LAMA2: variants seen among roughly 807,000 people sequenced by gnomAD.
LAMA2 encodes the protein laminin subunit alpha 2, also known as laminin subunit alpha-2.
In LAMA2, 269 loss-of-function variants were observed where a neutral mutation model predicts 364.8. That is an observed-to-expected ratio of 0.74 (90% CI 0.67 to 0.82). LAMA2 has a LOEUF of 0.82. LAMA2 is among the 40% of genes least tolerant of loss of function. The probability of loss-of-function intolerance (pLI) is 0.00; values close to 1 mark genes in which losing one functional copy is unlikely to be tolerated. For missense variants in LAMA2, 3,807 were observed against 3,873.2 expected, an observed-to-expected ratio of 0.98 and a Z score of 0.45; for synonymous variants, 1,379 against 1,370.6, an observed-to-expected ratio of 1.01 and a Z score of -0.14.
intron 3 of LAMA2, among the ~76,000 whole-genome samples, chr6:129,095,081 A>T (rs765590408): frequency 2.8e-4 from 43 of 152,232 alleles, no homozygotes; most frequent in South Asian, 2.1e-4. Flanking sequence ...TTTCAGAAGA[A>T]TTATAATAAG....
intron 56 of LAMA2, among the ~76,000 whole-genome samples, chr6:129,491,497 G>T (rs1368944396): frequency 2.6e-5 from 4 of 152,180 alleles, no homozygotes. Context: ...AGCATGGTTT[G>T]TTCCCTAGCA....
chr6:129,200,245 T>C (rs1782142736), intron 12 of LAMA2, among the ~76,000 whole-genome samples: 1 of 123,556 alleles, frequency 8.1e-6, no homozygotes, highest in Non-Finnish European at 1.7e-5. Flanking sequence ...TATACATGTG[T>C]ATATATATAC....
intron 43 of LAMA2, chr6:129,442,328 GA>G: frequency 3.0e-6 from 2 of 673,090 alleles, no homozygotes; most frequent in Non-Finnish European, 2.0e-6. Flanking sequence ...GAGCCAGGGT[GA>G]AAAAGGGGAG....
intron 1 of LAMA2, among the ~76,000 whole-genome samples, chr6:128,991,672 A>G (rs902829438): frequency 6.6e-6 from 1 of 152,228 alleles, no homozygotes; most frequent in Non-Finnish European, 1.5e-5. Flanking sequence ...GGTGAAACTT[A>G]TGATTGACTA....
intron 1 of LAMA2, among the ~76,000 whole-genome samples, chr6:129,042,768 C>T (rs1345466277): frequency 6.6e-6 from 1 of 152,090 alleles, no homozygotes; most frequent in Non-Finnish European, 1.5e-5. Context: ...AATAGAGTAT[C>T]CACTCTTTGG....
chr6:128,948,755 A>G (rs896149322), intron 1 of LAMA2, among the ~76,000 whole-genome samples: 1 of 152,034 alleles, frequency 6.6e-6, no homozygotes, highest in African/African-American at 2.4e-5. Flanking sequence ...GGTTGTTTAA[A>G]AGAAATTGGG....
intron 9 of LAMA2, 89 bp from the exon 10 acceptor site, chr6:129,177,617 G>C: frequency 7.7e-7 from 1 of 1,306,194 alleles, no homozygotes; most frequent in South Asian, 1.2e-5. Context: ...TGTCAAAATA[G>C]CATTTTAAAG....
intron 1 of LAMA2, among the ~76,000 whole-genome samples, chr6:129,030,199 A>C (rs903990924): frequency 6.6e-6 from 1 of 151,868 alleles, no homozygotes; most frequent in African/African-American, 2.4e-5. Context: ...CTCTCTCCTT[A>C]TTGTCAACCC....
intron 1 of LAMA2, among the ~76,000 whole-genome samples, chr6:128,990,748 T>G (rs1473694112): frequency 6.6e-6 from 1 of 150,780 alleles, no homozygotes; most frequent in Non-Finnish European, 1.5e-5. Flanking sequence ...TGAACTACTT[T>G]CATTGTGTGG....
intron 62 of LAMA2, among the ~76,000 whole-genome samples, chr6:129,510,050 A>G (rs1583939236): frequency 6.6e-6 from 1 of 152,022 alleles, no homozygotes; most frequent in East Asian, 1.9e-4. Flanking sequence ...ACTTTCCTCT[A>G]AGATCTGGAA....
At chr6:128,990,378 A>C (rs562027551) in intron 1 of LAMA2, among the ~76,000 whole-genome samples, 24 of 152,344 alleles carry the variant, frequency 1.6e-4, no homozygotes, top group African/African-American at 5.8e-4. Flanking sequence ...TGCATGCAAA[A>C]TATCTCATAA....
At chr6:129,436,236 C>T (rs1291671918) in intron 41 of LAMA2, among the ~76,000 whole-genome samples, 1 of 152,116 alleles carries the variant, frequency 6.6e-6, no homozygotes, top group East Asian at 1.9e-4. Flanking sequence ...TTCCCAGTTT[C>T]TACCCACTAT....
chr6:129,502,598 T>G, intron 58 of LAMA2, 61 bp from the exon 59 acceptor site: 1 of 1,012,518 alleles, frequency 9.9e-7, no homozygotes, highest in Non-Finnish European at 1.6e-6. Context: ...TTAGACAGCA[T>G]CATTACCTTT....
rs185498334 is a variant in LAMA2, at chr6:129,455,550, C to G, written c.6708-785C>G. Among the ~76,000 whole-genome samples, 12 of 152,218 alleles carry G rather than the reference C, an allele frequency of 7.9e-5. No homozygotes were observed. The East Asian group carries it at 2.3e-3, about 29-fold the overall frequency. On this transcript the variant is annotated intron_variant, in intron 47 of 64. Transcript: ENST00000421865. ...AAGAAAAAAGATTACCAAAGTGAGA[C>G]AGCAGTCAGGGAAATATGACATCGA...
At chr6:129,342,044 A>G (rs1009473767) in intron 29 of LAMA2, among the ~76,000 whole-genome samples, 1 of 152,244 alleles carries the variant, frequency 6.6e-6, no homozygotes, top group Admixed American at 6.5e-5. Flanking sequence ...TCTATTCCCC[A>G]ATTTAGAGTA....
At chr6:129,335,360 A>G (rs76723111) in intron 29 of LAMA2, among the ~76,000 whole-genome samples, 934 of 92,420 alleles carry the variant, frequency 0.01, 11 homozygotes, top group African/African-American at 0.031. Flanking sequence ...AAGTAGGTAG[A>G]TAGATAGATA....
chr6:129,298,050 A>G (rs1478187322), intron 21 of LAMA2, among the ~76,000 whole-genome samples, 185 bp downstream of exon 21: 1 of 34,824 alleles, frequency 2.9e-5, no homozygotes, highest in Non-Finnish European at 4.9e-5. Context: ...CACTGCCTTA[A>G]TAACTGTGTG....
chr6:129,203,764 T>G (rs1007437656), intron 12 of LAMA2, among the ~76,000 whole-genome samples: 1 of 152,196 alleles, frequency 6.6e-6, no homozygotes, highest in Non-Finnish European at 1.5e-5. Context: ...TTTATGCGTT[T>G]CACAGACCTG....
chr6:129,431,349 A>G (rs1485404164), intron 41 of LAMA2, among the ~76,000 whole-genome samples: 1 of 150,398 alleles, frequency 6.6e-6, no homozygotes, highest in Non-Finnish European at 1.5e-5. Flanking sequence ...CAGTGAGCTG[A>G]GATTGCGCCA....
Sources: gnomAD v4.1 joint callset for allele counts (sites outside exome capture counted in the v4.1 genomes callset) on GRCh38, gnomAD v4.1.1 for gene constraint, MANE v1.5 for transcripts, NCBI Gene and HGNC (gene_info 2026-07-23, HGNC 2026-07-21) for gene names.